The following COBLL1 variants were observed in gnomAD, a reference collection of about 807,000 sequenced individuals.
COBLL1 encodes the protein cordon-bleu WH2 repeat protein like 1.
Under a neutral mutation model 94.8 loss-of-function variants are expected in COBLL1, and 50 were observed. The ratio of observed to expected loss-of-function variants is 0.53; its 90% CI spans 0.42 to 0.67. COBLL1 has a LOEUF of 0.67. COBLL1 is among the 30% of genes least tolerant of loss of function. COBLL1 has a pLI of 0.00. For missense variants in COBLL1, 1,362 were observed against 1,348.7 expected, an observed-to-expected ratio of 1.01 and a Z score of -0.15; for synonymous variants, 448 against 473.8, an observed-to-expected ratio of 0.95 and a Z score of 0.71.
At chr2:164,773,487 T>C (rs914432681) in intron 2 of COBLL1, among the ~76,000 whole-genome samples, 1 of 152,100 alleles carries the variant, frequency 6.6e-6, no homozygotes, top group Admixed American at 6.6e-5. Flanking sequence ...TTTAATGCAT[T>C]AAGAAAAAAA....
chr2:164,818,272 G>GTATACATATATGTATGTATACA (rs1553481993), intron 2 of COBLL1, among the ~76,000 whole-genome samples: 5 of 116,774 alleles, frequency 4.3e-5, no homozygotes, highest in African/African-American at 6.8e-5. Context: ...ATACACGTAT[G>GTATACATATATGTATGTATACA]TATGTATACA....
intron 2 of COBLL1, among the ~76,000 whole-genome samples, chr2:164,835,513 G>T (rs1683279124): frequency 6.6e-6 from 1 of 152,140 alleles, no homozygotes; most frequent in Non-Finnish European, 1.5e-5. Context: ...GGAAGTTATT[G>T]TTTAATGGGT....
At chr2:164,688,726 A>T (rs541199796) in intron 13 of COBLL1, among the ~76,000 whole-genome samples, 17 of 152,260 alleles carry the variant, frequency 1.1e-4, no homozygotes, top group Admixed American at 3.9e-4. Flanking sequence ...AATATGAATT[A>T]AAAAAACTAA....
intron 2 of COBLL1, among the ~76,000 whole-genome samples, chr2:164,747,965 G>A (rs1311518222): frequency 6.6e-6 from 1 of 152,070 alleles, no homozygotes. Flanking sequence ...CGAAAAAGAA[G>A]GGTCATCAAA....
intron 2 of COBLL1, among the ~76,000 whole-genome samples, chr2:164,753,882 T>C (rs1185007983): frequency 4.0e-5 from 6 of 151,690 alleles, no homozygotes; most frequent in African/African-American, 4.8e-5. Flanking sequence ...GCTGGAAGTA[T>C]AGGCATTCAT....
At chr2:164,760,453 T>G (rs1416807270) in intron 2 of COBLL1, among the ~76,000 whole-genome samples, 1 of 152,178 alleles carries the variant, frequency 6.6e-6, no homozygotes. Context: ...AGTTCTGTAC[T>G]CTGATAAAGA....
chr2:164,841,244 C>G lies in COBLL1; in HGVS notation c.-48G>C. Reference sequence around the variant, plus strand: ...GCTCCAGCTCCCAGGCGGCGCGTCACTGCTGGGGTGGGAGAGGCCGGCGGG... The same window carrying G: ...GCTCCAGCTCCCAGGCGGCGCGTCAGTGCTGGGGTGGGAGAGGCCGGCGGG... On this transcript the variant is annotated splice_region_variant and 5_prime_UTR_variant, in exon 2 of 14. Coordinates refer to ENST00000652658, the MANE Select transcript of COBLL1 (RefSeq NM_001365672.2). This position sits in a 1 kb window ranked among gnomAD's most constrained non-coding sequence, Gnocchi z 5.5. The G allele has an allele frequency of 8.1e-7, 1 of 1,227,264 alleles. No individual in the cohort carries two copies. The highest frequency in any genetic ancestry group is 1.0e-6 in the Non-Finnish European group (1 of 985,466). 76.0% of individuals were successfully genotyped at this position (1,227,264 alleles called of 1,614,324 possible). A position where few individuals can be genotyped will look rare whatever the true frequency, so the allele number is the denominator to read the frequency against.
chr2:164,810,241 T>TC (rs397975472), intron 2 of COBLL1, among the ~76,000 whole-genome samples: 2 of 151,620 alleles, frequency 1.3e-5, no homozygotes, highest in African/African-American at 4.8e-5. Flanking sequence ...AATTTTTTTT[T>TC]CTAAAAGAAG....
At chr2:164,705,150 G>A in intron 7 of COBLL1, 45 bp from the exon 8 acceptor site, 3 of 1,448,568 alleles carry the variant, frequency 2.1e-6, no homozygotes, top group Non-Finnish European at 2.7e-6. Context: ...TTAGAAATCA[G>A]TAGCAAACTT....
chr2:164,818,277 T>G (rs1428085578), intron 2 of COBLL1, among the ~76,000 whole-genome samples: 1 of 148,696 alleles, frequency 6.7e-6, no homozygotes, highest in Non-Finnish European at 1.5e-5. Context: ...CGTATGTATG[T>G]ATACATATAT....
chr2:164,785,022 G>A (rs1688888777), intron 2 of COBLL1, among the ~76,000 whole-genome samples: 1 of 152,094 alleles, frequency 6.6e-6, no homozygotes, highest in African/African-American at 2.4e-5. Context: ...TGAGGCTGCA[G>A]GTGGGCTCTC....
chr2:164,797,325 T>G (rs2105310393), intron 2 of COBLL1, among the ~76,000 whole-genome samples: 1 of 152,300 alleles, frequency 6.6e-6, no homozygotes, highest in South Asian at 2.1e-4. Flanking sequence ...GCTATTAAAC[T>G]ACTTACTTTT....
At chr2:164,783,939 A>T (rs1252354953) in intron 2 of COBLL1, among the ~76,000 whole-genome samples, 1 of 152,126 alleles carries the variant, frequency 6.6e-6, no homozygotes, top group Non-Finnish European at 1.5e-5. Flanking sequence ...GCACTCCAGC[A>T]TGGGCAACAG....
chr2:164,708,766 T>C (rs1043312708), intron 7 of COBLL1, among the ~76,000 whole-genome samples: 5 of 152,230 alleles, frequency 3.3e-5, no homozygotes, highest in Admixed American at 3.3e-4. Context: ...GATCAATAAG[T>C]GGTAGCTTAA....
intron 2 of COBLL1, chr2:164,800,426 G>A: frequency 1.6e-6 from 1 of 625,652 alleles, no homozygotes; most frequent in Non-Finnish European, 2.8e-6. Flanking sequence ...ATACTATGTT[G>A]GTGAGGATGC....
At chr2:164,664,755 C>A (rs1691127778) in intron 2 of COBLL1, among the ~76,000 whole-genome samples, 1 of 152,114 alleles carries the variant, frequency 6.6e-6, no homozygotes, top group Non-Finnish European at 1.5e-5. Context: ...CTATTTACAA[C>A]AGAGCATTTG....
chr2:164,805,962 T>C (rs1343653957), intron 2 of COBLL1, among the ~76,000 whole-genome samples: 1 of 152,174 alleles, frequency 6.6e-6, no homozygotes, highest in Non-Finnish European at 1.5e-5. Context: ...AGAGTTCCTG[T>C]TGCTCTACAC....
chr2:164,765,092 G>A (rs187209963), intron 2 of COBLL1, among the ~76,000 whole-genome samples: 206 of 152,266 alleles, frequency 1.4e-3, no homozygotes, highest in Non-Finnish European at 2.1e-3. Flanking sequence ...GCCATGAGGT[G>A]AGAATTTAAC....
chr2:164,799,889 T>G (rs1353754581), intron 2 of COBLL1, among the ~76,000 whole-genome samples: 1 of 152,174 alleles, frequency 6.6e-6, no homozygotes, highest in Admixed American at 6.5e-5. Flanking sequence ...TTGGACTGTA[T>G]GCTAAAAATA....
Sources: allele counts gnomAD v4.1 joint callset (sites outside exome capture counted in the v4.1 genomes callset), GRCh38; gene constraint gnomAD v4.1.1; non-coding constraint Gnocchi (gnomAD v3.1); transcripts MANE v1.5; gene names NCBI Gene and HGNC (gene_info 2026-07-23, HGNC 2026-07-21).